RANBP17: variants seen among roughly 807,000 people sequenced by gnomAD.
The protein encoded by RANBP17 is RAN binding protein 17, also known as ran-binding protein 17.
In RANBP17, 158 loss-of-function variants were observed where a neutral mutation model predicts 141.2. The ratio of observed to expected loss-of-function variants is 1.12; its 90% confidence interval spans 0.98 to 1.28. RANBP17 has a LOEUF of 1.28. RANBP17 is among the 50% of genes most tolerant of loss of function. The pLI, the probability that RANBP17 is intolerant of heterozygous loss-of-function variation, is 0.00. For missense variants in RANBP17, 1,438 were observed against 1,290.7 expected (o/e 1.11, Z -1.75); for synonymous variants, 430 against 450.0 (o/e 0.96, Z 0.56).
chr5:171,192,786 A>G (rs1761733397), intron 18 of RANBP17, among the ~76,000 whole-genome samples: 1 of 152,172 alleles, frequency 6.6e-6, no homozygotes, highest in Non-Finnish European at 1.5e-5. Flanking sequence ...ATTTAGGGCT[A>G]TTATTTTCCT....
At chr5:170,929,503 A>G (rs984857828) in intron 12 of RANBP17, among the ~76,000 whole-genome samples, 1 of 152,076 alleles carries the variant, frequency 6.6e-6, no homozygotes, top group African/African-American at 2.4e-5. Context: ...TTATTTTACG[A>G]ATGTAGTGAA....
intron 12 of RANBP17, among the ~76,000 whole-genome samples, chr5:170,929,601 T>A (rs1450817119): frequency 2.0e-5 from 3 of 152,180 alleles, no homozygotes; most frequent in East Asian, 3.8e-4. Flanking sequence ...TCTTTAGAAA[T>A]TGTTAAATTC....
At chr5:170,970,042 T>C (rs539384037) in intron 14 of RANBP17, among the ~76,000 whole-genome samples, 2 of 152,144 alleles carry the variant, frequency 1.3e-5, no homozygotes, top group Admixed American at 1.3e-4. Flanking sequence ...TCCTTAATTA[T>C]GTGTCCCGTC....
At chr5:171,153,854 C>T (rs1013507261) in intron 14 of RANBP17, among the ~76,000 whole-genome samples, 2 of 151,892 alleles carry the variant, frequency 1.3e-5, no homozygotes, top group Non-Finnish European at 2.9e-5. Context: ...TTGGAGAAAC[C>T]CCATCTCTAC....
At chr5:171,277,796 C>T (rs1767614690) in intron 25 of RANBP17, among the ~76,000 whole-genome samples, 1 of 149,868 alleles carries the variant, frequency 6.7e-6, no homozygotes, top group African/African-American at 2.4e-5. Flanking sequence ...AGAACCTGTG[C>T]TCTTAACCAC....
At chr5:171,002,058 G>A (rs999446978) in intron 14 of RANBP17, among the ~76,000 whole-genome samples, 2 of 152,132 alleles carry the variant, frequency 1.3e-5, no homozygotes, top group Non-Finnish European at 2.9e-5. Flanking sequence ...TAGTAGAATA[G>A]CAGATGGAAC....
intron 14 of RANBP17, among the ~76,000 whole-genome samples, chr5:171,069,527 A>G (rs549379489): frequency 1.3e-5 from 2 of 152,200 alleles, no homozygotes; most frequent in Non-Finnish European, 2.9e-5. Flanking sequence ...GTCATCATTT[A>G]GCCATTATTT....
At position 170,916,533 on chromosome 5, in the gene RANBP17, G is replaced by A. The variant is rs1210367781; in HGVS notation, c.903G>A (p.Lys301=). 6.3e-7 allele frequency: 1 copy of A among 1,585,318 alleles called. No homozygotes were observed. The highest frequency in any genetic ancestry group is 2.3e-5 in the East Asian group (1 of 44,262). The change falls in exon 9 of 28, where the codon AAG becomes AAA. Residue 301 remains lysine (K), a synonymous_variant. Transcript: ENST00000523189. ...TATTTAACAGTCCTGAACGTGCCAA[G>A]TACCTTGGTAATTTAATTAAGGGAG... ...RSLFNSPERA[K]YLGNLIKGVK... is the part of the protein sequence containing the mutation.
chr5:171,291,637 A>G (rs1333310647), intron 25 of RANBP17, among the ~76,000 whole-genome samples: 1 of 152,170 alleles, frequency 6.6e-6, no homozygotes, highest in African/African-American at 2.4e-5. Context: ...TTCTGTGCTT[A>G]AGCATTTCAT....
chr5:171,124,814 T>C (rs1013181031), intron 14 of RANBP17, among the ~76,000 whole-genome samples: 2 of 151,810 alleles, frequency 1.3e-5, no homozygotes, highest in African/African-American at 2.4e-5. Context: ...ACAAACGATA[T>C]ACAAAACAAT....
chr5:171,096,803 G>T (rs2441018), intron 14 of RANBP17, among the ~76,000 whole-genome samples: 1 of 151,860 alleles, frequency 6.6e-6, no homozygotes, highest in African/African-American at 2.4e-5. Flanking sequence ...TGAAGATCTG[G>T]TATGTACTTT....
At chr5:171,109,762 A>G (rs920485731) in intron 14 of RANBP17, among the ~76,000 whole-genome samples, 3 of 152,194 alleles carry the variant, frequency 2.0e-5, no homozygotes, top group Non-Finnish European at 4.4e-5. Flanking sequence ...CATATTTTCA[A>G]TCTGCGATTG....
At chr5:171,064,713 G>A (rs900361187) in intron 14 of RANBP17, among the ~76,000 whole-genome samples, 1 of 151,958 alleles carries the variant, frequency 6.6e-6, no homozygotes, top group African/African-American at 2.4e-5. Context: ...TAGACATGGG[G>A]TTTCTCCATG....
chr5:171,228,065 C>T (rs1318142419), intron 22 of RANBP17, among the ~76,000 whole-genome samples: 1 of 152,150 alleles, frequency 6.6e-6, no homozygotes, highest in Non-Finnish European at 1.5e-5. Context: ...ATTCTGCAGC[C>T]CATGGATCAA....
At chr5:171,123,672 A>T (rs774149883) in intron 14 of RANBP17, among the ~76,000 whole-genome samples, 3 of 152,212 alleles carry the variant, frequency 2.0e-5, no homozygotes, top group Admixed American at 1.3e-4. Flanking sequence ...TGGTTGCCTA[A>T]GGACCAACCC....
chr5:171,106,024 C>G (rs1163296272), intron 14 of RANBP17, among the ~76,000 whole-genome samples: 1 of 152,142 alleles, frequency 6.6e-6, no homozygotes, highest in African/African-American at 2.4e-5. Context: ...AATTGTTGTG[C>G]AAACCTAATT....
chr5:171,282,586 C>T (rs1228903650), intron 25 of RANBP17, among the ~76,000 whole-genome samples: 1 of 152,180 alleles, frequency 6.6e-6, no homozygotes, highest in Non-Finnish European at 1.5e-5. Flanking sequence ...TCAAGCAATT[C>T]TCCAGTCTCA....
At chr5:170,875,894 A>G (rs775886952) in intron 1 of RANBP17, among the ~76,000 whole-genome samples, 5 of 151,986 alleles carry the variant, frequency 3.3e-5, no homozygotes, top group African/African-American at 9.7e-5. Flanking sequence ...TCTAGTTTCG[A>G]TCTTTGAGGC....
chr5:170,977,899 A>C (rs183557618), intron 14 of RANBP17, among the ~76,000 whole-genome samples: 1 of 152,050 alleles, frequency 6.6e-6, no homozygotes, highest in South Asian at 2.1e-4. Context: ...GTGTTGAAAT[A>C]TTCTGAAATT....
Sources: allele counts gnomAD v4.1 joint callset (sites outside exome capture counted in the v4.1 genomes callset), GRCh38; gene constraint gnomAD v4.1.1; transcripts MANE v1.5; gene names NCBI Gene and HGNC (gene_info 2026-07-23, HGNC 2026-07-21).